Variants in EPB41L5 observed in about 807,000 individuals in gnomAD.
The protein encoded by EPB41L5 is erythrocyte membrane protein band 4.1 like 5.
A neutral mutation model predicts 106.6 loss-of-function variants in EPB41L5; 55 were observed. The ratio of observed to expected loss-of-function variants is 0.52; its 90% CI spans 0.42 to 0.65. The LOEUF (loss-of-function observed/expected upper bound fraction) is 0.65. Among genes scored for constraint, EPB41L5 ranks in the 30% least tolerant of loss-of-function variants. The pLI, the probability that EPB41L5 is intolerant of heterozygous loss-of-function variation, is 0.00. For missense variants in EPB41L5, 871 were observed against 882.1 expected, an observed-to-expected ratio of 0.99 and a Z score of 0.16; for synonymous variants, 297 against 306.7, an observed-to-expected ratio of 0.97 and a Z score of 0.33.
chr2:120,038,718 C>A (rs567772949), intron 2 of EPB41L5, among the ~76,000 whole-genome samples: 1 of 152,290 alleles, frequency 6.6e-6, no homozygotes, highest in Non-Finnish European at 1.5e-5. Flanking sequence ...GATGCCTTTG[C>A]ACTCTTGCCT....
intron 10 of EPB41L5, among the ~76,000 whole-genome samples, chr2:120,086,449 C>T (rs1683059923): frequency 6.6e-6 from 1 of 152,150 alleles, no homozygotes; most frequent in Non-Finnish European, 1.5e-5. Flanking sequence ...AGTATTTCCT[C>T]TACCCAAAAT....
intron 24 of EPB41L5, among the ~76,000 whole-genome samples, chr2:120,172,745 G>A (rs769422514): frequency 6.6e-6 from 1 of 152,148 alleles, no homozygotes. Flanking sequence ...CCCAGAGAAA[G>A]GTGAAGGGAG....
At chr2:120,159,044 G>A (rs1687020435) in intron 20 of EPB41L5, among the ~76,000 whole-genome samples, 1 of 152,038 alleles carries the variant, frequency 6.6e-6, no homozygotes, top group African/African-American at 2.4e-5. Flanking sequence ...GGGAAGTGAA[G>A]GATCTCTACA....
At position 120,091,674 on chromosome 2, in the gene EPB41L5, C is replaced by G. The variant is rs1172562782; in HGVS notation, c.1150+13C>G. 1.3e-6 allele frequency: 2 copies of G among 1,583,500 alleles called. No homozygotes were observed. Among genetic ancestry groups the G allele is most frequent in the African/African-American group, 2.7e-5 (2 of 73,998 alleles). The stretch of plus-strand genomic sequence containing the variant: ...CTACAAATGAAAGGTGAAGTGCAAC[C>G]CTCTTTCAAAGGATTATTTTTCCTT... On this transcript the variant is annotated intron_variant, in intron 13 of 24. Transcript: ENST00000263713.
rs150963888 is a variant in EPB41L5 at position 120,097,616 on chromosome 2, A to G, written c.1179-2628A>G. On this transcript the variant is annotated intron_variant, in intron 14 of 24. Coordinates refer to ENST00000263713, the MANE Select transcript of EPB41L5 (RefSeq NM_020909.4). ...CATTTCAATTACTAGTACTTCTTAT[A>G]CAGGCTTAATATGCAGTCTTGAAGA... Among the ~76,000 whole-genome samples the G allele has an allele frequency of 7.7e-3, 1,167 of 152,306 alleles. 17 individuals are homozygous for G. The highest frequency in any genetic ancestry group is 0.026 in the African/African-American group (1,074 of 41,556).
At chr2:120,051,847 GAC>G (rs1438091780) in intron 3 of EPB41L5, among the ~76,000 whole-genome samples, 1 of 151,282 alleles carries the variant, frequency 6.6e-6, no homozygotes, top group African/African-American at 2.4e-5. Context: ...TTTTTTTTGA[GAC>G]AGAGTCTTGC....
At chr2:120,168,315 T>A (rs1052886315) in intron 24 of EPB41L5, among the ~76,000 whole-genome samples, 1 of 152,198 alleles carries the variant, frequency 6.6e-6, no homozygotes, top group African/African-American at 2.4e-5. Flanking sequence ...TTTATTATGA[T>A]TATGCCTACT....
chr2:120,072,099 C>A (rs775364233), intron 3 of EPB41L5, among the ~76,000 whole-genome samples: 4 of 152,050 alleles, frequency 2.6e-5, no homozygotes, highest in Non-Finnish European at 5.9e-5. Context: ...CAGAAAAAAA[C>A]AACCCCATCA....
intron 19 of EPB41L5, among the ~76,000 whole-genome samples, chr2:120,143,579 T>G (rs1257998969): frequency 6.6e-6 from 1 of 152,100 alleles, no homozygotes. Flanking sequence ...AAAATCAGCT[T>G]TTCCTTGGCT....
At chr2:120,087,973 A>G (rs534773845) in intron 11 of EPB41L5, among the ~76,000 whole-genome samples, 2 of 152,216 alleles carry the variant, frequency 1.3e-5, no homozygotes, top group Non-Finnish European at 2.9e-5. Flanking sequence ...GAATGACTCC[A>G]TTTATCTGAT....
At chr2:120,083,717 AT>A (rs1682854742) in intron 10 of EPB41L5, among the ~76,000 whole-genome samples, 1 of 152,130 alleles carries the variant, frequency 6.6e-6, no homozygotes, top group South Asian at 2.1e-4. Context: ...AGTCTCCCAC[AT>A]TATTGTGTGG....
intron 10 of EPB41L5, among the ~76,000 whole-genome samples, chr2:120,085,669 C>G (rs984561051): frequency 1.3e-5 from 2 of 152,124 alleles, no homozygotes; most frequent in African/African-American, 4.8e-5. Flanking sequence ...GGTGTTCTTG[C>G]TAGGGACTCT....
chr2:120,031,192 G>T (rs1156364391), intron 2 of EPB41L5, among the ~76,000 whole-genome samples: 3 of 152,172 alleles, frequency 2.0e-5, no homozygotes, highest in African/African-American at 7.2e-5. Flanking sequence ...ATCAGTAAAA[G>T]CTCTGATCCC....
chr2:120,056,940 A>G (rs1428209684), intron 3 of EPB41L5, among the ~76,000 whole-genome samples: 1 of 152,150 alleles, frequency 6.6e-6, no homozygotes, highest in Non-Finnish European at 1.5e-5. Context: ...TTTGTCACCC[A>G]GGCTGGAGTG....
At chr2:120,087,318 A>G (rs1683125045) in intron 11 of EPB41L5, 78 bp downstream of exon 11, 2 of 841,662 alleles carry the variant, frequency 2.4e-6, no homozygotes, top group Admixed American at 4.7e-5. Flanking sequence ...AAAAGAGGGA[A>G]TGTACCTCAT....
chr2:120,154,347 TAG>T (rs1473613150), intron 20 of EPB41L5, among the ~76,000 whole-genome samples: 1 of 151,376 alleles, frequency 6.6e-6, no homozygotes, highest in African/African-American at 2.4e-5. Flanking sequence ...GTATTTTTAG[TAG>T]AGACAGGGTT....
At position 120,168,027 on chromosome 2, in the gene EPB41L5, T is replaced by C; in HGVS notation, c.2135+20T>C. ...GACCAGGTGAGAAAATTATTTCTCATTTGCAGTTCTTAGGCATCTGTTAGG... is the reference window on the plus strand; with the variant it reads ...GACCAGGTGAGAAAATTATTTCTCACTTGCAGTTCTTAGGCATCTGTTAGG... On this transcript the variant is annotated intron_variant, in intron 24 of 24. Coordinates refer to ENST00000263713, the MANE Select transcript of EPB41L5 (RefSeq NM_020909.4). The C allele has an allele frequency of 6.2e-7, 1 of 1,613,462 alleles. No homozygotes were observed. Among genetic ancestry groups the C allele is most frequent in the Non-Finnish European group, 8.5e-7 (1 of 1,179,516 alleles).
rs1687994504 is a variant in EPB41L5, at chr2:120,178,505, A to G, written c.*3598A>G. The stretch of plus-strand genomic sequence containing the variant: ...CTTTTAATTATTCATGCCCTTGACC[A>G]TGTGGTTGCTTGGAGACCTGGGGTC... On this transcript the variant is annotated 3_prime_UTR_variant, in exon 25 of 25. Coordinates refer to ENST00000263713, the MANE Select transcript of EPB41L5 (RefSeq NM_020909.4). 6.6e-6 allele frequency: 1 copy of G among 152,132 alleles called. No individual in the cohort carries two copies. Among genetic ancestry groups the G allele is most frequent in the African/African-American group, 2.4e-5 (1 of 41,430 alleles). 9.4% of individuals were successfully genotyped at this position (152,132 alleles called of 1,614,324 possible).
rs1035039623 is a variant in EPB41L5 at position 120,174,848 on chromosome 2, C to T, written c.2143C>T (p.Pro715Ser). Residue 715 changes from proline (P) to serine (S), a missense_variant, in exon 25 of 25, where the codon CCC becomes TCC. Coordinates refer to ENST00000263713, the MANE Select transcript of EPB41L5 (RefSeq NM_020909.4). ...ATTCTCTCTTCCTTTCAGCTCTGGT[C>T]CCATTTTGGCAGAAGAAGCTGTCCT... ...FLVDAVTSSGPILAEEAVLKQ... is the reference protein window; with the variant it reads ...FLVDAVTSSGSILAEEAVLKQ... The T allele has an allele frequency of 1.4e-5, 22 of 1,613,980 alleles. No individual in the cohort carries two copies. Among genetic ancestry groups the T allele is most frequent in the Non-Finnish European group, 1.9e-5 (22 of 1,179,988 alleles).
Sources: gnomAD v4.1 joint callset for allele counts (sites outside exome capture counted in the v4.1 genomes callset) on GRCh38, gnomAD v4.1.1 for gene constraint, MANE v1.5 for transcripts, NCBI Gene and HGNC (gene_info 2026-07-23, HGNC 2026-07-21) for gene names.